PCDHGA10: variants seen among roughly 807,000 people sequenced by gnomAD.
The protein encoded by PCDHGA10 is protocadherin gamma-A10.
In PCDHGA10, 42 loss-of-function variants were observed where a neutral mutation model predicts 59.5. The observed-to-expected ratio is 0.71, with a 90% CI of 0.55 to 0.91. The LOEUF is 0.91. PCDHGA10 is among the 40% of genes least tolerant of loss of function. The pLI, the probability that PCDHGA10 is intolerant of heterozygous loss-of-function variation, is 0.00. For synonymous variants in PCDHGA10, 511 were observed against 517.2 expected, an observed-to-expected ratio of 0.99 and a Z score of 0.16; for missense variants, 1,111 against 1,198.2, an observed-to-expected ratio of 0.93 and a Z score of 1.07.
chr5:141,483,620 A>G (rs192148102), intron 1 of PCDHGA10, among the ~76,000 whole-genome samples: 472 of 151,650 alleles, frequency 3.1e-3, no homozygotes, highest in Non-Finnish European at 5.0e-3. Context: ...CATCATTCCC[A>G]TGGGAGAAGG....
At chr5:141,502,547 C>G (rs1340258642) in intron 2 of PCDHGA10, among the ~76,000 whole-genome samples, 2 of 152,156 alleles carry the variant, frequency 1.3e-5, no homozygotes, top group East Asian at 3.8e-4. Context: ...GTGGTAAAAA[C>G]AGTGTCCCAG....
intron 1 of PCDHGA10, chr5:141,420,275 G>A: frequency 1.3e-6 from 2 of 1,524,576 alleles, no homozygotes; most frequent in Non-Finnish European, 1.8e-6. Flanking sequence ...TCTTAAACAG[G>A]TAAGTATTTA....
chr5:141,440,918 A>C (rs2154559108), intron 1 of PCDHGA10: 1 of 152,384 alleles, frequency 6.6e-6, no homozygotes, highest in Admixed American at 6.5e-5. Context: ...TCCTGTGCTG[A>C]GAGTGAGGGC....
intron 1 of PCDHGA10, chr5:141,430,668 C>T (rs538633559): frequency 1.6e-6 from 2 of 1,243,872 alleles, no homozygotes; most frequent in East Asian, 2.5e-5. Context: ...GGAGCTCTGA[C>T]TTCCCAACTG....
chr5:141,483,121 T>C (rs922863446), intron 1 of PCDHGA10, among the ~76,000 whole-genome samples: 1 of 152,052 alleles, frequency 6.6e-6, no homozygotes, highest in Admixed American at 6.6e-5. Flanking sequence ...ACAGTCTTTG[T>C]AGGAGATGAG....
rs1036281905 is a variant in PCDHGA10 at position 141,493,555 on chromosome 5, T to A, written c.2437-1252T>A. Among the ~76,000 whole-genome samples, 3 of 152,012 alleles carry A rather than the reference T, an allele frequency of 2.0e-5. No individual in the cohort carries two copies. ...GCCAGTTATCCTTTTGGAGATTGAG[T>A]TCCCCCAGCTCCGTTTCCTCCTATC... On this transcript the variant is annotated intron_variant, in intron 1 of 3. Transcript: ENST00000398610. The surrounding 1 kb of genome is among the most constrained non-coding windows in gnomAD (Gnocchi z 4.3).
At position 141,432,349 on chromosome 5, in the gene PCDHGA10, G is replaced by T; in HGVS notation, c.2436+16738G>T. On this transcript the variant is annotated intron_variant, in intron 1 of 3. Transcript: ENST00000398610. This position sits in a 1 kb window ranked among gnomAD's most constrained non-coding sequence, Gnocchi z 6.0. Reference sequence around the variant, plus strand: ...ACGAGCAGTTCCGAGACTTGCAAGTGAAAGTGATGGCGCGGGACAACGGGC... The same window carrying T: ...ACGAGCAGTTCCGAGACTTGCAAGTTAAAGTGATGGCGCGGGACAACGGGC... 4 of 1,614,240 alleles carry T rather than the reference G, an allele frequency of 2.5e-6. No homozygotes were observed. Among genetic ancestry groups the T allele is most frequent in the Non-Finnish European group, 1.7e-6 (2 of 1,180,046 alleles).
chr5:141,485,003 A>G lies in PCDHGA10; in HGVS notation c.2437-9804A>G. On this transcript the variant is annotated intron_variant, in intron 1 of 3. Coordinates refer to ENST00000398610, the MANE Select transcript of PCDHGA10 (RefSeq NM_018913.3). The surrounding 1 kb of genome is among the most constrained non-coding windows in gnomAD (Gnocchi z 5.7). ...CAATCGGGTGGTGAAAGGCAGACAA[A>G]TCTACCCCGCCACCAGCAAAAACGG... 1 of 620,758 alleles carries G rather than the reference A, an allele frequency of 1.6e-6. No homozygotes were observed. The highest frequency in any genetic ancestry group is 2.0e-5 in the South Asian group (1 of 50,492). The allele number at this position is 620,758 out of a possible 1,614,324, so 38.5% of individuals were successfully genotyped here.
rs2099746956 is a variant in PCDHGA10 at position 141,493,207 on chromosome 5, A to C, written c.2437-1600A>C. Among the ~76,000 whole-genome samples, 1 of 152,152 alleles carries C rather than the reference A, an allele frequency of 6.6e-6. No individual in the cohort carries two copies. The highest frequency in any genetic ancestry group is 2.4e-5 in the African/African-American group (1 of 41,442). On this transcript the variant is annotated intron_variant, in intron 1 of 3. Coordinates refer to ENST00000398610, the MANE Select transcript of PCDHGA10 (RefSeq NM_018913.3). The surrounding 1 kb of genome is among the most constrained non-coding windows in gnomAD (Gnocchi z 4.3). ...ATAACTCCTTTGAGAACCTCATCTC[A>C]TTTGCTCTTCCCACCATTGCTGTTG...
intron 1 of PCDHGA10, chr5:141,424,513 T>C (rs1339689551): frequency 6.6e-6 from 1 of 152,224 alleles, no homozygotes; most frequent in Non-Finnish European, 1.5e-5. Context: ...GGTTTTTTAA[T>C]GTAGTAAATC....
Position 141,431,054 on chromosome 5 carries a change from G to T in PCDHGA10, c.2436+15443G>T. 6.2e-7 allele frequency: 1 copy of T among 1,614,198 alleles called. No individual in the cohort carries two copies. The highest frequency in any genetic ancestry group is 8.5e-7 in the Non-Finnish European group (1 of 1,180,004). ...AGACCGGGAGGAGCTCTGTATGGGG[G>T]CCATCAAGTGTCAATTAAATCTAGA... On this transcript the variant is annotated intron_variant, in intron 1 of 3. Transcript: ENST00000398610. This position sits in a 1 kb window ranked among gnomAD's most constrained non-coding sequence, Gnocchi z 4.8.
At chr5:141,453,865 A>T (rs1048679358) in intron 1 of PCDHGA10, among the ~76,000 whole-genome samples, 2 of 152,234 alleles carry the variant, frequency 1.3e-5, no homozygotes, top group African/African-American at 4.8e-5. Flanking sequence ...AAAATAACAG[A>T]TGAGCAAAAT....
chr5:141,458,825 C>A (rs1417477907), intron 1 of PCDHGA10, among the ~76,000 whole-genome samples: 1 of 152,102 alleles, frequency 6.6e-6, no homozygotes, highest in Non-Finnish European at 1.5e-5. Context: ...CTCTGCCTCC[C>A]AGGCTCAAGT....
intron 1 of PCDHGA10, chr5:141,478,865 T>G: frequency 7.5e-7 from 1 of 1,326,190 alleles, no homozygotes; most frequent in Non-Finnish European, 1.0e-6. Context: ...ATCTCAGCGA[T>G]CAGAGTTTAG....
chr5:141,428,304 G>C, intron 1 of PCDHGA10: 1 of 695,706 alleles, frequency 1.4e-6, no homozygotes, highest in South Asian at 1.6e-5. Flanking sequence ...AGATTTACCT[G>C]GTCGTGGCCT....
intron 2 of PCDHGA10, 114 bp from the exon 3 acceptor site, chr5:141,505,279 C>T: frequency 6.5e-7 from 1 of 1,541,274 alleles, no homozygotes; most frequent in Non-Finnish European, 8.7e-7. Context: ...AGAAACAGGT[C>T]TTGGGCATGG....
intron 1 of PCDHGA10, chr5:141,492,055 G>C (rs1335131646): frequency 4.1e-6 from 2 of 493,506 alleles, no homozygotes; most frequent in Non-Finnish European, 7.1e-6. Flanking sequence ...CACCCCTGCA[G>C]CCAGCCTCCT....
At chr5:141,478,498 G>T in intron 1 of PCDHGA10, 1 of 1,612,710 alleles carries the variant, frequency 6.2e-7, no homozygotes, top group South Asian at 1.1e-5. Context: ...GCTGTGATCC[G>T]GTGTTCTATA....
rs1168509242 is a variant in PCDHGA10 at position 141,413,247 on chromosome 5, C to T, written c.72C>T (p.Phe24=). The T allele has an allele frequency of 1.2e-6, 2 of 1,613,822 alleles. No homozygotes were observed. Among genetic ancestry groups the T allele is most frequent in the African/African-American group, 2.7e-5 (2 of 74,946 alleles). Residue 24 remains phenylalanine, a synonymous_variant, in exon 1 of 4, where the codon TTC becomes TTT. Coordinates refer to ENST00000398610, the MANE Select transcript of PCDHGA10 (RefSeq NM_018913.3). ...GGCTGGTCCTGCTCTGCCTTTTCTT[C>T]GGGATTCCATGGGAGGCTGGAGCCC... ...CSGLVLLCLF[F]GIPWEAGARQ... is the part of the protein sequence containing the mutation.
Sources: gnomAD v4.1 joint callset for allele counts (sites outside exome capture counted in the v4.1 genomes callset) on GRCh38, gnomAD v4.1.1 for gene constraint, Gnocchi (gnomAD v3.1) non-coding constraint, MANE v1.5 for transcripts, NCBI Gene and HGNC (gene_info 2026-07-23, HGNC 2026-07-21) for gene names.